Variants in ZNF469 observed in about 807,000 individuals in gnomAD.
ZNF469 encodes the protein zinc finger protein 469.
ZNF469 carries 1 observed loss-of-function variant against 1.0 expected under a neutral mutation model. The ratio of observed to expected loss-of-function variants is 1.00; its 90% CI spans 0.35 to 4.73. The LOEUF is 4.73. ZNF469 is among the 30% of genes most tolerant of loss of function. The probability of loss-of-function intolerance (pLI) is 0.16; values close to 1 mark genes in which losing one functional copy is unlikely to be tolerated. For missense variants in ZNF469, 6,100 were observed against 5,356.3 expected (o/e 1.14, Z -4.33); for synonymous variants, 2,703 against 2,363.4 (o/e 1.14, Z -4.17).
chr16:88,411,133 G>A (rs552102308), intron 1 of ZNF469, among the ~76,000 whole-genome samples: 1 of 152,308 alleles, frequency 6.6e-6, no homozygotes, highest in African/African-American at 2.4e-5. Flanking sequence ...GGTCACATTC[G>A]TAGGTGCTGG....
At chr16:88,150,890 C>T in the ZNF469 span, among the ~76,000 whole-genome samples, 6 of 152,068 alleles carry the variant, frequency 3.9e-5, no homozygotes, top group Admixed American at 6.5e-5. Flanking sequence ...TCTCTCGCCA[C>T]GGTGGGGAAA....
the ZNF469 span, among the ~76,000 whole-genome samples, chr16:88,108,826 G>A: frequency 4.6e-5 from 7 of 152,222 alleles, no homozygotes; most frequent in African/African-American, 1.7e-4. Flanking sequence ...CCAGTGCCAT[G>A]TGCCAGCAGC....
At chr16:88,378,673 A>G (rs2092514669), upstream of ZNF469, among the ~76,000 whole-genome samples, 7 of 152,182 alleles carry the variant, frequency 4.6e-5, no homozygotes, top group South Asian at 1.5e-3. Flanking sequence ...ACCCTGAACT[A>G]GGGAGAGGGT....
chr16:88,366,724 A>G, the ZNF469 span, among the ~76,000 whole-genome samples: 1,943 of 151,416 alleles, frequency 0.013, 38 homozygotes, highest in African/African-American at 0.045. Context: ...CATCACCATC[A>G]TCACATCACC....
At chr16:88,128,072 G>T in the ZNF469 span, among the ~76,000 whole-genome samples, 1 of 152,218 alleles carries the variant, frequency 6.6e-6, no homozygotes, top group Non-Finnish European at 1.5e-5. Context: ...CCTCTAGTCT[G>T]TGTGAATTCT....
At chr16:88,129,455 A>C in the ZNF469 span, among the ~76,000 whole-genome samples, 1 of 152,000 alleles carries the variant, frequency 6.6e-6, no homozygotes, top group Non-Finnish European at 1.5e-5. Flanking sequence ...TACAAGTTCT[A>C]TATTGCATTG....
At position 88,431,762 on chromosome 16, in the gene ZNF469, G is replaced by C. The variant is rs1244391759; in HGVS notation, c.4292G>C (p.Arg1431Thr). ...GGTTCCCTCGAGCCACAGCTGCCAA[G>C]GAGCCCACCTGGCACCGCTGAGACG... Reference protein sequence around the residue: ...DAGSLEPQLPRSPPGTAETEP... With the variant: ...DAGSLEPQLPTSPPGTAETEP... The change falls in exon 3 of 3, where the codon AGG becomes ACG. Residue 1431 changes from arginine to threonine, a missense_variant. Arg to Thr is a moderately conservative substitution (Grantham distance 71). Coordinates refer to ENST00000565624, the MANE Select transcript of ZNF469 (RefSeq NM_001367624.2). 3 of 1,549,954 alleles carry C rather than the reference G, an allele frequency of 1.9e-6. No homozygotes were observed. The highest frequency in any genetic ancestry group is 2.6e-6 in the Non-Finnish European group (3 of 1,146,952).
the ZNF469 span, among the ~76,000 whole-genome samples, chr16:88,227,498 GTCTCCCCA>G: frequency 0.013 from 1,852 of 141,180 alleles, 34 homozygotes; most frequent in African/African-American, 0.036. Context: ...CTGTGTCCCC[GTCTCCCCA>G]TCTCCCCATC....
At chr16:88,139,702 T>C in the ZNF469 span, among the ~76,000 whole-genome samples, 2 of 146,524 alleles carry the variant, frequency 1.4e-5, no homozygotes, top group East Asian at 2.1e-4. Context: ...AACCTTTTTG[T>C]CCCCTGGCCT....
chr16:88,288,399 A>G, the ZNF469 span, among the ~76,000 whole-genome samples: 1 of 152,022 alleles, frequency 6.6e-6, no homozygotes, highest in Admixed American at 6.6e-5. Context: ...TATTTATCAT[A>G]TTTGCCTTTG....
At chr16:88,215,149 A>G in the ZNF469 span, among the ~76,000 whole-genome samples, 1 of 152,178 alleles carries the variant, frequency 6.6e-6, no homozygotes, top group African/African-American at 2.4e-5. Context: ...TTTTTTACCT[A>G]GTCTCCAATA....
chr16:88,135,473 G>A, the ZNF469 span, among the ~76,000 whole-genome samples: 1 of 152,244 alleles, frequency 6.6e-6, no homozygotes. Flanking sequence ...GCCAGCCCGT[G>A]GCTGCTTCCC....
chr16:88,163,733 A>G, the ZNF469 span, among the ~76,000 whole-genome samples: 1 of 150,802 alleles, frequency 6.6e-6, no homozygotes, highest in African/African-American at 2.4e-5. Flanking sequence ...GGGTGGATAG[A>G]TGCATGAGAG....
At chr16:88,166,010 G>A in the ZNF469 span, among the ~76,000 whole-genome samples, 5 of 152,296 alleles carry the variant, frequency 3.3e-5, no homozygotes, top group Admixed American at 1.3e-4. This position sits in a 1 kb window ranked among gnomAD's most constrained non-coding sequence, Gnocchi z 4.5. Context: ...CCCCAGAAGC[G>A]GGCACTATTG....
At chr16:88,217,776 A>G in the ZNF469 span, among the ~76,000 whole-genome samples, 717 of 88,042 alleles carry the variant, frequency 8.1e-3, 10 homozygotes, top group African/African-American at 0.028. Flanking sequence ...TGAACTCATC[A>G]TTTTTTATGG....
the ZNF469 span, among the ~76,000 whole-genome samples, chr16:88,355,846 G>A: frequency 1.3e-4 from 20 of 152,298 alleles, no homozygotes; most frequent in African/African-American, 4.6e-4. Context: ...TCCCAGGGGA[G>A]GACCAAGACC....
chr16:88,277,042 T>C, the ZNF469 span, among the ~76,000 whole-genome samples: 2 of 142,356 alleles, frequency 1.4e-5, no homozygotes, highest in Non-Finnish European at 3.1e-5. Flanking sequence ...GTACCATGTA[T>C]ATATCATTAG....
At chr16:88,132,233 C>T in the ZNF469 span, among the ~76,000 whole-genome samples, 39 of 152,362 alleles carry the variant, frequency 2.6e-4, no homozygotes, top group African/African-American at 8.7e-4. Context: ...TTTCGGCCTC[C>T]GACGCCCGCC....
chr16:88,233,359 C>G, the ZNF469 span, among the ~76,000 whole-genome samples: 2 of 152,338 alleles, frequency 1.3e-5, no homozygotes, highest in African/African-American at 4.8e-5. Flanking sequence ...TTTGTCAATT[C>G]CTTTTGTCCC....
Sources: gnomAD v4.1 joint callset for allele counts (sites outside exome capture counted in the v4.1 genomes callset) on GRCh38, gnomAD v4.1.1 for gene constraint, Gnocchi (gnomAD v3.1) non-coding constraint, MANE v1.5 for transcripts, NCBI Gene and HGNC (gene_info 2026-07-23, HGNC 2026-07-21) for gene names.